The following PIEZO2 variants were observed in gnomAD, a reference collection of about 807,000 sequenced individuals.
The protein encoded by PIEZO2 is piezo-type mechanosensitive ion channel component 2.
Under a neutral mutation model 337.3 loss-of-function variants are expected in PIEZO2, and 172 were observed. The observed-to-expected ratio is 0.51, with a 90% CI of 0.45 to 0.58. The LOEUF (loss-of-function observed/expected upper bound fraction) is 0.58, where lower values mean the gene tolerates loss of function less well. Among genes scored for constraint, PIEZO2 ranks in the 20% least tolerant of loss-of-function variants. The pLI is 0.00. For synonymous variants in PIEZO2, 1,251 were observed against 1,228.5 expected, an observed-to-expected ratio of 1.02 and a Z score of -0.38; for missense variants, 3,028 against 3,391.3, an observed-to-expected ratio of 0.89 and a Z score of 2.66.
chr18:11,148,227 A>G lies in PIEZO2; in HGVS notation c.64+298T>C, dbSNP rs754549572. Reference sequence around the variant, plus strand: ...CCGCCTTCCAGCCACAGCAATGGCCATCCTTAGTACACAAGTCAGTACTCC... The same window carrying G: ...CCGCCTTCCAGCCACAGCAATGGCCGTCCTTAGTACACAAGTCAGTACTCC... On this transcript the variant is annotated intron_variant, in intron 1 of 55. Transcript: ENST00000674853. The surrounding 1 kb of genome is among the most constrained non-coding windows in gnomAD (Gnocchi z 5.2). Among the ~76,000 whole-genome samples the G allele has an allele frequency of 6.6e-6, 1 of 152,184 alleles. No individual in the cohort carries two copies. The highest frequency in any genetic ancestry group is 6.5e-5 in the Admixed American group (1 of 15,288).
rs548823290 is a variant in PIEZO2, at chr18:11,083,435, G to C, written c.65-17213C>G. On this transcript the variant is annotated intron_variant, in intron 1 of 55. Coordinates refer to ENST00000674853, the MANE Select transcript of PIEZO2 (RefSeq NM_001378183.1). This position sits in a 1 kb window ranked among gnomAD's most constrained non-coding sequence, Gnocchi z 4.4. ...AGAGATCCGAAGGAGTCCAGGTAAG[G>C]GCAGAAATGCTCTCCTCCAGGGAAT... Among the ~76,000 whole-genome samples, 1 of 152,292 alleles carries C rather than the reference G, an allele frequency of 6.6e-6. No homozygotes were observed. Among genetic ancestry groups the C allele is most frequent in the East Asian group, 1.9e-4 (1 of 5,178 alleles).
intron 2 of PIEZO2, among the ~76,000 whole-genome samples, chr18:11,059,897 C>T (rs1313529347): frequency 6.6e-6 from 1 of 152,146 alleles, no homozygotes; most frequent in East Asian, 1.9e-4. Context: ...CAGCTCTGCA[C>T]CAAGTGGACC....
At chr18:11,014,839 G>A (rs1392712818) in intron 2 of PIEZO2, among the ~76,000 whole-genome samples, 2 of 148,496 alleles carry the variant, frequency 1.3e-5, no homozygotes, top group Non-Finnish European at 3.0e-5. Context: ...CCTCAGTGGA[G>A]AACATGTCAC....
At chr18:10,807,345 C>T (rs575453022) in intron 7 of PIEZO2, 71 bp from the exon 8 acceptor site, 1 of 1,406,488 alleles carries the variant, frequency 7.1e-7, no homozygotes, top group African/African-American at 1.4e-5. Context: ...AATAAAAGTA[C>T]TTTGTTTTTG....
intron 1 of PIEZO2, among the ~76,000 whole-genome samples, chr18:11,121,116 G>T (rs1414786219): frequency 6.6e-6 from 1 of 152,002 alleles, no homozygotes; most frequent in African/African-American, 2.4e-5. Context: ...AGCTGGGTGT[G>T]GTGATGCACG....
In PIEZO2 at chr18:10,942,512, G is replaced by A. The variant is rs190600741; in HGVS notation, c.287-31284C>T. Among the ~76,000 whole-genome samples the A allele has an allele frequency of 4.2e-3, 646 of 152,304 alleles. 5 individuals carry two copies. Among genetic ancestry groups the A allele is most frequent in the Middle Eastern group, 6.8e-3 (2 of 294 alleles). On this transcript the variant is annotated intron_variant, in intron 3 of 55. Transcript: ENST00000674853. This position sits in a 1 kb window ranked among gnomAD's most constrained non-coding sequence, Gnocchi z 4.4. The stretch of plus-strand genomic sequence containing the variant: ...CTGCCCTAGAGATTTGTGGAACTTT[G>A]AACTTGAGAGAGATGATTTAGGGTA...
chr18:10,881,472 G>A lies in PIEZO2; in HGVS notation c.330-10057C>T, dbSNP rs570121158. 1.8e-3 allele frequency among the ~76,000 whole-genome samples: 281 copies of A among 152,266 alleles called. 1 individual carries two copies. Among genetic ancestry groups the A allele is most frequent in the Admixed American group, 3.5e-3 (54 of 15,290 alleles). On this transcript the variant is annotated intron_variant, in intron 4 of 55. Coordinates refer to ENST00000674853, the MANE Select transcript of PIEZO2 (RefSeq NM_001378183.1). ...TTCACAGAGGTGAGAGTAGGATGCC[G>A]GGCCAAGGGGACCATCACTTACTTG...
intron 52 of PIEZO2, among the ~76,000 whole-genome samples, chr18:10,679,019 G>A (rs770929300): frequency 8.8e-5 from 13 of 147,334 alleles, no homozygotes; most frequent in Non-Finnish European, 1.8e-4. Flanking sequence ...TGCAACCTCT[G>A]CCTCCCTAGT....
rs922533036 is a variant in PIEZO2 at position 11,080,501 on chromosome 18, T to C, written c.65-14279A>G. ...CTTGCACATAATAAGCCTGTGATGA[T>C]AGTGCAGAATGAATAAAGGAATAAA... On this transcript the variant is annotated intron_variant, in intron 1 of 55. Coordinates refer to ENST00000674853, the MANE Select transcript of PIEZO2 (RefSeq NM_001378183.1). This position sits in a 1 kb window ranked among gnomAD's most constrained non-coding sequence, Gnocchi z 5.4. 6.6e-5 allele frequency among the ~76,000 whole-genome samples: 10 copies of C among 152,206 alleles called. No individual in the cohort carries two copies. Among genetic ancestry groups the C allele is most frequent in the African/African-American group, 2.2e-4 (9 of 41,466 alleles).
At position 10,858,321 on chromosome 18, in the gene PIEZO2, CAAAAAAAAAAAAA is replaced by C. The variant is rs11361243; in HGVS notation, c.493-1123_493-1111del. ...CTGGCGACAGAGCGAGACTTCAACC[CAAAAAAAAAAAAA>C]AAAAAAAAAAAAAGAAAAGAAAAGA... is the stretch of plus-strand genomic sequence containing the variant. On this transcript the variant is annotated intron_variant, in intron 5 of 55. Coordinates refer to ENST00000674853, the MANE Select transcript of PIEZO2 (RefSeq NM_001378183.1). 3.7e-4 allele frequency among the ~76,000 whole-genome samples: 21 copies of C among 56,352 alleles called. 1 individual carries two copies. The Admixed American group carries it at 4.8e-3, about 13-fold the overall frequency. The allele number at this position is 56,352 out of a possible 152,430, so 37.0% of individuals were successfully genotyped here.
Position 10,671,316 on chromosome 18 carries a change from C to T in PIEZO2, c.*211G>A, listed in dbSNP as rs2033762501. ...AACATAAAGCAAGTAGCCCTGATTT[C>T]AGAGAAATGGAGTTACAAATAACAT... is the stretch of plus-strand genomic sequence containing the variant. On this transcript the variant is annotated 3_prime_UTR_variant, in exon 56 of 56. Coordinates refer to ENST00000674853, the MANE Select transcript of PIEZO2 (RefSeq NM_001378183.1). The T allele has an allele frequency of 6.5e-6, 3 of 462,736 alleles. No individual in the cohort carries two copies. Among genetic ancestry groups the T allele is most frequent in the Admixed American group, 4.0e-5 (1 of 24,812 alleles). 28.7% of individuals were successfully genotyped at this position (462,736 alleles called of 1,614,324 possible).
chr18:11,115,714 T>C (rs2039869722), intron 1 of PIEZO2, among the ~76,000 whole-genome samples: 1 of 152,214 alleles, frequency 6.6e-6, no homozygotes, highest in African/African-American at 2.4e-5. Flanking sequence ...GCTATGTTTA[T>C]CTGAAATTCA....
At chr18:11,139,065 G>T (rs1272071463) in intron 1 of PIEZO2, among the ~76,000 whole-genome samples, 1 of 152,150 alleles carries the variant, frequency 6.6e-6, no homozygotes, top group African/African-American at 2.4e-5. Context: ...TCTGTATCTG[G>T]AGCTATTCAT....
rs1221267574 is a variant in PIEZO2 at position 11,038,412 on chromosome 18, C to A, written c.160+27715G>T. Among the ~76,000 whole-genome samples, 1 of 152,150 alleles carries A rather than the reference C, an allele frequency of 6.6e-6. No individual in the cohort carries two copies. The highest frequency in any genetic ancestry group is 2.4e-5 in the African/African-American group (1 of 41,420). On this transcript the variant is annotated intron_variant, in intron 2 of 55. Coordinates refer to ENST00000674853, the MANE Select transcript of PIEZO2 (RefSeq NM_001378183.1). The surrounding 1 kb of genome is among the most constrained non-coding windows in gnomAD (Gnocchi z 4.1). Reference sequence around the variant, plus strand: ...AAATTAAAAGGTAACCATTCCCATGCCAAGTGTAAGCCGGAGGCCCTTATT... The same window carrying A: ...AAATTAAAAGGTAACCATTCCCATGACAAGTGTAAGCCGGAGGCCCTTATT...
At chr18:11,011,234 T>C (rs1036032310) in intron 2 of PIEZO2, among the ~76,000 whole-genome samples, 17 of 152,278 alleles carry the variant, frequency 1.1e-4, no homozygotes, top group Admixed American at 3.3e-4. Context: ...CAACAGAACT[T>C]ATTTACATTT....
At chr18:10,695,974 C>T (rs1247847304) in intron 47 of PIEZO2, 100 bp downstream of exon 47, 1 of 1,191,550 alleles carries the variant, frequency 8.4e-7, no homozygotes, top group African/African-American at 1.5e-5. Context: ...AAGGCTCTGC[C>T]TGTGGCCAGC....
In PIEZO2 at chr18:11,081,093, G is replaced by A. The variant is rs550824540; in HGVS notation, c.65-14871C>T. On this transcript the variant is annotated intron_variant, in intron 1 of 55. Transcript: ENST00000674853. Reference sequence around the variant, plus strand: ...CCAGAAAGAGGCAAGAAACAAGAAAGTTTCCTGAGTCATGAACCTCTTTCT... The same window carrying A: ...CCAGAAAGAGGCAAGAAACAAGAAAATTTCCTGAGTCATGAACCTCTTTCT... 2.0e-5 allele frequency among the ~76,000 whole-genome samples: 3 copies of A among 152,308 alleles called. No individual in the cohort carries two copies. In the East Asian group the frequency reaches 5.8e-4, roughly 29 times the overall value.
chr18:10,971,911 C>A (rs934809413), intron 3 of PIEZO2, among the ~76,000 whole-genome samples: 3 of 151,948 alleles, frequency 2.0e-5, no homozygotes, highest in Non-Finnish European at 4.4e-5. Flanking sequence ...CAGCCTAAGG[C>A]GAGGCACTTT....
intron 1 of PIEZO2, among the ~76,000 whole-genome samples, chr18:11,138,440 C>T (rs371536608): frequency 3.3e-5 from 5 of 152,214 alleles, no homozygotes; most frequent in East Asian, 3.9e-4. Context: ...GGACTACAGG[C>T]GTGTGCCACC....
Sources: allele counts gnomAD v4.1 joint callset (sites outside exome capture counted in the v4.1 genomes callset), GRCh38; gene constraint gnomAD v4.1.1; non-coding constraint Gnocchi (gnomAD v3.1); transcripts MANE v1.5; gene names NCBI Gene and HGNC (gene_info 2026-07-23, HGNC 2026-07-21).